The following MARCHF1 variants were observed in gnomAD, a reference collection of about 807,000 sequenced individuals.
The protein encoded by MARCHF1 is membrane associated ring-CH-type finger 1.
A neutral mutation model predicts 54.2 loss-of-function variants in MARCHF1; 40 were observed. That is an observed-to-expected ratio of 0.74 (90% CI 0.57 to 0.96). MARCHF1 has a LOEUF of 0.96. Among genes scored for constraint, MARCHF1 ranks in the 40% least tolerant of loss-of-function variants. MARCHF1 has a pLI of 0.00. For missense variants in MARCHF1, 586 were observed against 656.5 expected, an observed-to-expected ratio of 0.89 and a Z score of 1.17; for synonymous variants, 236 against 236.3, an observed-to-expected ratio of 1.00 and a Z score of 0.01.
chr4:163,976,095 T>C (rs905540207), intron 3 of MARCHF1, among the ~76,000 whole-genome samples: 1 of 152,212 alleles, frequency 6.6e-6, no homozygotes, highest in South Asian at 2.1e-4. Flanking sequence ...AAGTAGATCC[T>C]AGTTGAAGAA....
At chr4:164,091,718 G>A (rs1260181138) in intron 2 of MARCHF1, among the ~76,000 whole-genome samples, 3 of 151,968 alleles carry the variant, frequency 2.0e-5, no homozygotes, top group African/African-American at 7.2e-5. Flanking sequence ...TACTGTGTTA[G>A]AAATGTTGTA....
chr4:163,642,576 T>A (rs1020163796), intron 5 of MARCHF1, among the ~76,000 whole-genome samples: 7 of 152,182 alleles, frequency 4.6e-5, no homozygotes, highest in African/African-American at 1.7e-4. Flanking sequence ...TTTGCTAGAT[T>A]TTTTTGTAAA....
At chr4:164,301,954 G>A (rs1734571485) in intron 1 of MARCHF1, among the ~76,000 whole-genome samples, 2 of 152,194 alleles carry the variant, frequency 1.3e-5, no homozygotes, top group Admixed American at 6.5e-5. Flanking sequence ...GATTGGCTAG[G>A]ACTGTGGAGG....
intron 5 of MARCHF1, among the ~76,000 whole-genome samples, chr4:163,685,470 C>T (rs1973611): frequency 0.64 from 97,621 of 151,906 alleles, 31,856 homozygotes; most frequent in African/African-American, 0.75. Context: ...TTTTTATTGT[C>T]TTAGACAGAG....
intron 8 of MARCHF1, among the ~76,000 whole-genome samples, chr4:163,574,889 T>G (rs1192557367): frequency 6.6e-6 from 1 of 151,758 alleles, no homozygotes; most frequent in Non-Finnish European, 1.5e-5. Context: ...GCATTGAATC[T>G]ATAAATTACC....
intron 1 of MARCHF1, 30 bp from the exon 2 acceptor site, chr4:164,111,692 C>T (rs990733551): frequency 1.3e-5 from 2 of 151,572 alleles, no homozygotes; most frequent in Admixed American, 1.3e-4. Flanking sequence ...AATGTTAAGG[C>T]CAAGCTTAAA....
chr4:164,189,697 G>T, intron 1 of MARCHF1: 1 of 989,578 alleles, frequency 1.0e-6, no homozygotes, highest in South Asian at 1.3e-5. Context: ...AAGGAACACA[G>T]TGGTACCTAC....
chr4:164,207,732 G>A (rs1038571303), intron 1 of MARCHF1, among the ~76,000 whole-genome samples: 2 of 152,176 alleles, frequency 1.3e-5, no homozygotes, highest in Admixed American at 1.3e-4. Context: ...TGTTGCACTG[G>A]AGTTGGTTTG....
chr4:164,050,155 T>C (rs1754329664), intron 2 of MARCHF1, among the ~76,000 whole-genome samples: 1 of 151,384 alleles, frequency 6.6e-6, no homozygotes, highest in African/African-American at 2.4e-5. Flanking sequence ...GGTGCCTGTA[T>C]TCCCAGCTAT....
chr4:163,718,790 T>C (rs1253157391), intron 4 of MARCHF1, among the ~76,000 whole-genome samples: 1 of 152,202 alleles, frequency 6.6e-6, no homozygotes, highest in East Asian at 1.9e-4. Flanking sequence ...CCAGTATTTA[T>C]CCCAACTTTC....
At chr4:163,737,048 T>C (rs1211593440) in intron 4 of MARCHF1, among the ~76,000 whole-genome samples, 1 of 151,930 alleles carries the variant, frequency 6.6e-6, no homozygotes, top group Non-Finnish European at 1.5e-5. Context: ...GAAAGCTCAT[T>C]TGTTTGCCAG....
intron 2 of MARCHF1, among the ~76,000 whole-genome samples, chr4:164,038,251 T>C (rs1754051031): frequency 6.6e-6 from 1 of 152,152 alleles, no homozygotes; most frequent in Non-Finnish European, 1.5e-5. Context: ...CCCAGCACTT[T>C]GGGAGGCCGA....
intron 2 of MARCHF1, among the ~76,000 whole-genome samples, chr4:164,076,128 T>C (rs1246287876): frequency 9.1e-6 from 1 of 110,336 alleles, no homozygotes; most frequent in Non-Finnish European, 1.8e-5. Flanking sequence ...TTCAAACAAA[T>C]AATTTTCTAA....
intron 5 of MARCHF1, among the ~76,000 whole-genome samples, chr4:163,639,594 C>T (rs13122802): frequency 0.39 from 59,264 of 151,890 alleles, 12,392 homozygotes; most frequent in East Asian, 0.59. Flanking sequence ...TGTGTTGGAA[C>T]GTTTTTGTTC....
intron 4 of MARCHF1, among the ~76,000 whole-genome samples, chr4:163,841,728 T>C (rs956409453): frequency 2.0e-5 from 3 of 152,138 alleles, no homozygotes; most frequent in African/African-American, 7.2e-5. Flanking sequence ...GCAATATGTG[T>C]AATAAAGTTT....
At chr4:163,840,564 G>A (rs2111128622) in intron 4 of MARCHF1, among the ~76,000 whole-genome samples, 1 of 151,956 alleles carries the variant, frequency 6.6e-6, no homozygotes, top group African/African-American at 2.4e-5. Flanking sequence ...AAAACGAGAA[G>A]GCAGAATAAA....
At position 164,067,568 on chromosome 4, in the gene MARCHF1, T is replaced by C. The variant is rs562058385; in HGVS notation, c.-248+44020A>G. Among the ~76,000 whole-genome samples, 15 of 152,288 alleles carry C rather than the reference T, an allele frequency of 9.8e-5. No homozygotes were observed. The South Asian group carries it at 2.7e-3, about 27-fold the overall frequency. On this transcript the variant is annotated intron_variant, in intron 2 of 9. Transcript: ENST00000514618. The stretch of plus-strand genomic sequence containing the variant: ...AACTGGATCCTTACCTTTTGCCATA[T>C]ATAAAAATTAACTCAAATGGATTAA...
intron 8 of MARCHF1, among the ~76,000 whole-genome samples, chr4:163,572,351 C>T (rs1378379126): frequency 4.2e-5 from 6 of 143,976 alleles, no homozygotes; most frequent in Admixed American, 1.4e-4. Flanking sequence ...ATTGATTCTT[C>T]ACTTGCTTTT....
intron 1 of MARCHF1, among the ~76,000 whole-genome samples, chr4:164,241,201 T>C (rs1310204284): frequency 6.6e-6 from 1 of 152,078 alleles, no homozygotes; most frequent in Non-Finnish European, 1.5e-5. Context: ...ATTTGGACAG[T>C]CCCATAATTT....
Sources: gnomAD v4.1 joint callset for allele counts (sites outside exome capture counted in the v4.1 genomes callset) on GRCh38, gnomAD v4.1.1 for gene constraint, MANE v1.5 for transcripts, NCBI Gene and HGNC (gene_info 2026-07-23, HGNC 2026-07-21) for gene names.